The following GRIK2 variants were observed in gnomAD, a reference collection of about 807,000 sequenced individuals.
GRIK2 encodes the protein glutamate receptor ionotropic, kainate 2.
In GRIK2, 32 loss-of-function variants were observed where a neutral mutation model predicts 100.3. The ratio of observed to expected loss-of-function variants is 0.32; its 90% CI spans 0.24 to 0.43. The LOEUF (loss-of-function observed/expected upper bound fraction) is 0.43, where lower values mean the gene tolerates loss of function less well. Among genes scored for constraint, GRIK2 ranks in the 20% least tolerant of loss-of-function variants. GRIK2 has a pLI of 1.00. For missense variants in GRIK2, 843 were observed against 1,114.9 expected, an observed-to-expected ratio of 0.76 and a Z score of 3.47; for synonymous variants, 417 against 389.4, an observed-to-expected ratio of 1.07 and a Z score of -0.83.
intron 14 of GRIK2, among the ~76,000 whole-genome samples, chr6:101,973,788 G>T (rs185111915): frequency 6.6e-6 from 1 of 151,742 alleles, no homozygotes; most frequent in Non-Finnish European, 1.5e-5. Flanking sequence ...GATACAGTAC[G>T]AACTAAAAGC....
intron 2 of GRIK2, among the ~76,000 whole-genome samples, chr6:101,485,192 C>G (rs1772755017): frequency 6.6e-6 from 1 of 152,058 alleles, no homozygotes; most frequent in Non-Finnish European, 1.5e-5. Flanking sequence ...ATATATTGTG[C>G]AGGGAATTCA....
intron 15 of GRIK2, among the ~76,000 whole-genome samples, chr6:102,047,418 A>G (rs1205237811): frequency 6.6e-6 from 1 of 152,116 alleles, no homozygotes; most frequent in Non-Finnish European, 1.5e-5. Flanking sequence ...GTAGAAAGAT[A>G]TCTATGTTCA....
At chr6:101,534,577 CTA>C (rs1365372246) in intron 2 of GRIK2, among the ~76,000 whole-genome samples, 1 of 151,760 alleles carries the variant, frequency 6.6e-6, no homozygotes, top group East Asian at 1.9e-4. Flanking sequence ...AGATTGATGA[CTA>C]TATGTACAAA....
rs199605666 is a variant in GRIK2, at chr6:101,945,171, AT to A, written c.2085+16548del. Among the ~76,000 whole-genome samples, 591 of 151,428 alleles carry A rather than the reference AT, an allele frequency of 3.9e-3. 7 individuals carry two copies. In the East Asian group the frequency reaches 0.043, roughly 11 times the overall value. ...GTATATGGAACTAGTATTTTAACTGATTTTTTTTTAGCTTTTTAGGTTTATG... is the reference window on the plus strand; with the variant it reads ...GTATATGGAACTAGTATTTTAACTGATTTTTTTTAGCTTTTTAGGTTTATG... On this transcript the variant is annotated intron_variant, in intron 14 of 16. Transcript: ENST00000369134.
At chr6:101,710,797 A>T (rs922875637) in intron 7 of GRIK2, among the ~76,000 whole-genome samples, 1 of 151,788 alleles carries the variant, frequency 6.6e-6, no homozygotes, top group Non-Finnish European at 1.5e-5. Context: ...AAATATTATT[A>T]TATTTTCTGT....
chr6:101,865,595 TAAAC>T (rs1360253758), intron 11 of GRIK2, among the ~76,000 whole-genome samples: 2 of 151,906 alleles, frequency 1.3e-5, no homozygotes, highest in Admixed American at 6.6e-5. Context: ...CTTGTGAAAA[TAAAC>T]AAAAAGGCTA....
intron 7 of GRIK2, among the ~76,000 whole-genome samples, chr6:101,754,262 T>C (rs1562359140): frequency 6.6e-6 from 1 of 152,194 alleles, no homozygotes; most frequent in Non-Finnish European, 1.5e-5. Context: ...ACAATCTTAT[T>C]CCAAAAGGTA....
chr6:101,802,792 C>A (rs1780755382), intron 9 of GRIK2, among the ~76,000 whole-genome samples: 1 of 151,840 alleles, frequency 6.6e-6, no homozygotes, highest in African/African-American at 2.4e-5. Context: ...GTTGCATAGA[C>A]TTTCCAACTT....
chr6:101,976,561 C>T (rs1426079678), intron 14 of GRIK2, among the ~76,000 whole-genome samples: 1 of 151,794 alleles, frequency 6.6e-6, no homozygotes, highest in Non-Finnish European at 1.5e-5. Flanking sequence ...TGGTAACACA[C>T]TTGCATTCCC....
chr6:101,767,365 A>G (rs532419369), intron 7 of GRIK2, among the ~76,000 whole-genome samples: 164 of 152,312 alleles, frequency 1.1e-3, no homozygotes, highest in African/African-American at 3.8e-3. Flanking sequence ...TCCCATTACC[A>G]TTATAAACAT....
At chr6:101,848,800 T>C (rs1430235028) in intron 10 of GRIK2, among the ~76,000 whole-genome samples, 1 of 152,100 alleles carries the variant, frequency 6.6e-6, no homozygotes, top group Non-Finnish European at 1.5e-5. Flanking sequence ...CAAATCATAC[T>C]GTATGTGTGC....
At chr6:101,866,476 G>A (rs1785059903) in intron 11 of GRIK2, among the ~76,000 whole-genome samples, 1 of 152,052 alleles carries the variant, frequency 6.6e-6, no homozygotes, top group Non-Finnish European at 1.5e-5. Flanking sequence ...CATAGTTCAT[G>A]TATTTTCTTT....
intron 14 of GRIK2, among the ~76,000 whole-genome samples, chr6:102,013,604 G>C (rs62423079): frequency 0.27 from 41,268 of 151,854 alleles, 5,994 homozygotes; most frequent in East Asian, 0.34. Context: ...AAGGTATGTT[G>C]CTTCAATATC....
At chr6:101,398,724 A>G in intron 1 of GRIK2, 1 of 317,154 alleles carries the variant, frequency 3.2e-6, no homozygotes, top group Admixed American at 5.0e-5. Flanking sequence ...TTGCAACTCA[A>G]GGCGGGCTGT....
intron 2 of GRIK2, among the ~76,000 whole-genome samples, chr6:101,456,469 T>C (rs1257369973): frequency 6.6e-6 from 1 of 152,016 alleles, no homozygotes; most frequent in East Asian, 1.9e-4. Context: ...GAAAATCAAA[T>C]TCTGAAAAGG....
Position 101,610,222 on chromosome 6 carries a change from C to T in GRIK2, c.116-11727C>T, listed in dbSNP as rs1779612030. 2.0e-5 allele frequency among the ~76,000 whole-genome samples: 3 copies of T among 151,376 alleles called. No homozygotes were observed. The Admixed American group carries it at 2.0e-4, about 10-fold the overall frequency. ...AGGTAAGAAGAAATGAAGGACCTAT[C>T]TTAAAGTTATAGTCCATATAAATAA... On this transcript the variant is annotated intron_variant, in intron 2 of 16. Coordinates refer to ENST00000369134, the MANE Select transcript of GRIK2 (RefSeq NM_021956.5).
chr6:101,928,828 C>T (rs554156362), intron 14 of GRIK2, among the ~76,000 whole-genome samples, 196 bp downstream of exon 14: 1 of 152,124 alleles, frequency 6.6e-6, no homozygotes, highest in South Asian at 2.1e-4. Context: ...TCTGAAAATG[C>T]TAAGGAGGTT....
intron 11 of GRIK2, among the ~76,000 whole-genome samples, chr6:101,874,278 G>A (rs1390734994): frequency 6.6e-6 from 1 of 152,010 alleles, no homozygotes; most frequent in Non-Finnish European, 1.5e-5. Flanking sequence ...TTTGTATAAG[G>A]TGTAAGGAAG....
At chr6:101,963,509 C>CTTTTTTTT (rs770178884) in intron 14 of GRIK2, among the ~76,000 whole-genome samples, 354 of 106,054 alleles carry the variant, frequency 3.3e-3, no homozygotes, top group Middle Eastern at 6.8e-3. Flanking sequence ...TTCTTTCTTT[C>CTTTTTTTT]TTTTTTTTTT....
Sources: allele counts gnomAD v4.1 joint callset (sites outside exome capture counted in the v4.1 genomes callset), GRCh38; gene constraint gnomAD v4.1.1; transcripts MANE v1.5; gene names NCBI Gene and HGNC (gene_info 2026-07-23, HGNC 2026-07-21).